FAM228B: variants seen among roughly 807,000 people sequenced by gnomAD.
FAM228B encodes the protein family with sequence similarity 228 member B, also known as protein FAM228B.
FAM228B carries 38 observed loss-of-function variants against 42.6 expected under a neutral mutation model. The ratio of observed to expected loss-of-function variants is 0.89; its 90% CI spans 0.69 to 1.17. The LOEUF (loss-of-function observed/expected upper bound fraction) is 1.17, where lower values mean the gene tolerates loss of function less well. Among genes scored for constraint, FAM228B ranks in the 50% most tolerant of loss-of-function variants. The pLI is 0.00. For synonymous variants in FAM228B, 109 were observed against 122.3 expected, an observed-to-expected ratio of 0.89 and a Z score of 0.72; for missense variants, 344 against 367.3, an observed-to-expected ratio of 0.94 and a Z score of 0.52.
intron 3 of FAM228B, among the ~76,000 whole-genome samples, chr2:24,099,845 A>T (rs1379295830): frequency 6.6e-6 from 1 of 152,246 alleles, no homozygotes; most frequent in East Asian, 1.9e-4. Flanking sequence ...AGCTGGAGGC[A>T]TCAAGCTACC....
chr2:24,166,943 T>C (rs764855297), intron 9 of FAM228B, among the ~76,000 whole-genome samples: 8 of 151,080 alleles, frequency 5.3e-5, no homozygotes, highest in Non-Finnish European at 1.0e-4. Context: ...CTGAAGATAG[T>C]GAGTGCTGAG....
chr2:24,133,074 A>G lies in FAM228B; in HGVS notation c.100-2045A>G, dbSNP rs146792609. On this transcript the variant is annotated intron_variant, in intron 2 of 10. Transcript: ENST00000615575. The stretch of plus-strand genomic sequence containing the variant: ...CCAAACTCTGTCTTCTAATTCCTGA[A>G]CCAGTTAGGCCGCATGTTTCTATCT... Among the ~76,000 whole-genome samples, 22 of 152,120 alleles carry G rather than the reference A, an allele frequency of 1.4e-4. No individual in the cohort carries two copies. The East Asian group carries it at 3.3e-3, about 23-fold the overall frequency.
intron 3 of FAM228B, among the ~76,000 whole-genome samples, chr2:24,107,869 G>T (rs931861511): frequency 6.6e-6 from 1 of 152,084 alleles, no homozygotes; most frequent in African/African-American, 2.4e-5. Flanking sequence ...GAAGACCTAG[G>T]AATGCATGAG....
intron 8 of FAM228B, among the ~76,000 whole-genome samples, chr2:24,163,006 C>G (rs541863502): frequency 6.6e-6 from 1 of 152,052 alleles, no homozygotes; most frequent in South Asian, 2.1e-4. Context: ...TTGCACAACT[C>G]TGTAAATATA....
chr2:24,161,641 C>A, intron 8 of FAM228B, 28 bp downstream of exon 8: 2 of 1,330,900 alleles, frequency 1.5e-6, no homozygotes, highest in Non-Finnish European at 1.1e-6. Context: ...TAGCTTTGCT[C>A]TTCTTTTGCT....
chr2:24,154,747 G>C (rs150568302), intron 7 of FAM228B, among the ~76,000 whole-genome samples: 204 of 152,252 alleles, frequency 1.3e-3, no homozygotes, highest in Admixed American at 2.6e-3. Context: ...TCTTTGCCTT[G>C]AAATCTGATG....
chr2:24,088,901 A>G (rs1235360679), intron 2 of FAM228B, among the ~76,000 whole-genome samples: 5 of 152,214 alleles, frequency 3.3e-5, no homozygotes, highest in Admixed American at 1.3e-4. Context: ...GAATTGTGGA[A>G]CACCCAGCCT....
At chr2:24,083,015 A>G in intron 2 of FAM228B, 1 of 1,614,118 alleles carries the variant, frequency 6.2e-7, no homozygotes, top group Non-Finnish European at 8.5e-7. Context: ...CCTGGCCCCC[A>G]CCGGGGAGCA....
chr2:24,130,040 G>C (rs10208674), intron 2 of FAM228B, among the ~76,000 whole-genome samples: 47,007 of 151,930 alleles, frequency 0.31, 7,686 homozygotes, highest in South Asian at 0.43. Flanking sequence ...TCAGCTCCCA[G>C]TTATGAGTGA....
At chr2:24,143,890 G>A (rs577406799) in intron 5 of FAM228B, among the ~76,000 whole-genome samples, 218 of 151,972 alleles carry the variant, frequency 1.4e-3, no homozygotes, top group Admixed American at 2.5e-3. Flanking sequence ...GCTTACGCCT[G>A]TAATCCCAGC....
chr2:24,167,952 C>G (rs907905500), intron 10 of FAM228B: 2 of 384,696 alleles, frequency 5.2e-6, no homozygotes, highest in Non-Finnish European at 4.9e-6. Context: ...TGGAATTTCT[C>G]ACCGGATTTC....
rs1665481934 is a variant in FAM228B at position 24,095,685 on chromosome 2, T to G, written c.-121+456T>G. On this transcript the variant is annotated intron_variant, in intron 3 of 10. Transcript: ENST00000613899. This position sits in a 1 kb window ranked among gnomAD's most constrained non-coding sequence, Gnocchi z 4.8. ...TCCATCTCTGTGGCCAGGGCATAGCTGAACAAAAGGCAGCAGACAACTTTT... is the reference window on the plus strand; with the variant it reads ...TCCATCTCTGTGGCCAGGGCATAGCGGAACAAAAGGCAGCAGACAACTTTT... 1 of 152,400 alleles carries G rather than the reference T, an allele frequency of 6.6e-6. No individual in the cohort carries two copies. Among genetic ancestry groups the G allele is most frequent in the Non-Finnish European group, 1.5e-5 (1 of 68,186 alleles). The allele number at this position is 152,400 out of a possible 1,614,324, so 9.4% of individuals were successfully genotyped here. A position where few individuals can be genotyped will look rare whatever the true frequency, so the allele number is the denominator to read the frequency against.
intron 3 of FAM228B, among the ~76,000 whole-genome samples, chr2:24,109,902 T>A (rs1052414456): frequency 8.5e-5 from 13 of 152,142 alleles, no homozygotes; most frequent in Admixed American, 2.0e-4. Context: ...TAAAACAGAA[T>A]TACCATTTGA....
At chr2:24,121,312 A>G (rs563264176), upstream of FAM228B, 169 of 1,613,952 alleles carry the variant, frequency 1.0e-4, no homozygotes, top group South Asian at 1.7e-3. Context: ...TGGAGAGGTT[A>G]CATGGTTAGA....
At chr2:24,112,069 T>G (rs1665805352) in intron 3 of FAM228B, among the ~76,000 whole-genome samples, 1 of 152,128 alleles carries the variant, frequency 6.6e-6, no homozygotes, top group Non-Finnish European at 1.5e-5. Context: ...AAAGTAGAAA[T>G]AATCTAAATA....
At chr2:24,167,943 G>C (rs1667466335) in intron 10 of FAM228B, 2 of 393,706 alleles carry the variant, frequency 5.1e-6, no homozygotes, top group Admixed American at 3.5e-5. Flanking sequence ...CCTATTGCTT[G>C]GAATTTCTCA....
At chr2:24,100,666 G>A (rs1665589894) in intron 3 of FAM228B, among the ~76,000 whole-genome samples, 1 of 152,228 alleles carries the variant, frequency 6.6e-6, no homozygotes, top group South Asian at 2.1e-4. Context: ...CTGTTGGTGG[G>A]AGTGTAAATT....
chr2:24,099,596 C>T (rs1184709753), intron 3 of FAM228B, among the ~76,000 whole-genome samples: 1 of 152,124 alleles, frequency 6.6e-6, no homozygotes, highest in East Asian at 1.9e-4. Flanking sequence ...GAACTACAAA[C>T]CACTGCTCAA....
rs888048004 is a variant in FAM228B, at chr2:24,095,847, T to A, written c.-121+618T>A. 1 of 152,144 alleles carries A rather than the reference T, an allele frequency of 6.6e-6. No homozygotes were observed. Among genetic ancestry groups the A allele is most frequent in the African/African-American group, 2.4e-5 (1 of 41,392 alleles). 9.4% of individuals were successfully genotyped at this position (152,144 alleles called of 1,614,324 possible). ...CCATGTAGCCTAACTAGGAGATACCTCCCAGGAGGGGCCGACAGACACCTC... is the reference window on the plus strand; with the variant it reads ...CCATGTAGCCTAACTAGGAGATACCACCCAGGAGGGGCCGACAGACACCTC... On this transcript the variant is annotated intron_variant, in intron 3 of 10. Transcript: ENST00000613899. The surrounding 1 kb of genome is among the most constrained non-coding windows in gnomAD (Gnocchi z 4.8).
Sources: gnomAD v4.1 joint callset for allele counts (sites outside exome capture counted in the v4.1 genomes callset) on GRCh38, gnomAD v4.1.1 for gene constraint, Gnocchi (gnomAD v3.1) non-coding constraint, MANE v1.5 for transcripts, NCBI Gene and HGNC (gene_info 2026-07-23, HGNC 2026-07-21) for gene names.